PRR13: variants seen among roughly 807,000 people sequenced by gnomAD.
PRR13 encodes the protein proline-rich protein 13.
PRR13 carries 7 observed loss-of-function variants against 11.5 expected under a neutral mutation model. That is an observed-to-expected ratio of 0.61 (90% CI 0.34 to 1.14). PRR13 has a LOEUF of 1.14. PRR13 is among the 50% of genes most tolerant of loss of function. PRR13 has a pLI of 0.03. For synonymous variants in PRR13, 53 were observed against 67.8 expected (o/e 0.78, Z 1.07); for missense variants, 155 against 194.4 (o/e 0.80, Z 1.21).
At chr12:53,442,604 G>T in intron 1 of PRR13, 91 bp from the exon 2 acceptor site, 1 of 1,074,330 alleles carries the variant, frequency 9.3e-7, no homozygotes, top group Non-Finnish European at 1.4e-6. Flanking sequence ...AGCCTACTGT[G>T]GGGTGGAAGA....
chr12:53,442,701 G>T lies in PRR13; in HGVS notation c.-14G>T. 1 of 1,609,510 alleles carries T rather than the reference G, an allele frequency of 6.2e-7. No individual in the cohort carries two copies. Among genetic ancestry groups the T allele is most frequent in the Non-Finnish European group, 8.5e-7 (1 of 1,175,926 alleles). On this transcript the variant is annotated 5_prime_UTR_variant, in exon 2 of 4. In the 5' UTR this introduces an upstream ATG that the reference lacks. Transcript: ENST00000429243. ...CTCATTTCTTTCTCCTCAGGCTGGA[G>T]GACACACCTAAACATGTGGAATCCC...
intron 2 of PRR13, 65 bp from the exon 3 acceptor site, chr12:53,443,325 CT>C: frequency 7.7e-7 from 1 of 1,299,128 alleles, no homozygotes; most frequent in Non-Finnish European, 9.9e-7. Context: ...GAATCTCTTT[CT>C]TTTTGTTGTT....
intron 3 of PRR13, 58 bp from the exon 4 acceptor site, chr12:53,445,957 T>A (rs1257624898): frequency 6.2e-7 from 1 of 1,613,644 alleles, no homozygotes; most frequent in South Asian, 1.1e-5. Flanking sequence ...CACGGAGTGA[T>A]GAAAGGTCAT....
In PRR13 at chr12:53,445,105, A is replaced by G. The variant is rs111235514; in HGVS notation, c.403-910A>G. On this transcript the variant is annotated intron_variant, in intron 3 of 3. Coordinates refer to ENST00000429243, the MANE Select transcript of PRR13 (RefSeq NM_018457.4). ...CGTGGTCCACACCTGTAATCCCAGC[A>G]CTTTGGGATTCCGGGGCGGGCGGAT... Among the ~76,000 whole-genome samples, 737 of 152,192 alleles carry G rather than the reference A, an allele frequency of 4.8e-3. 6 individuals are homozygous for G. Among genetic ancestry groups the G allele is most frequent in the African/African-American group, 0.017 (713 of 41,500 alleles).
chr12:53,442,812 C>G, intron 2 of PRR13, 79 bp downstream of exon 2: 1 of 1,483,074 alleles, frequency 6.7e-7, no homozygotes, highest in Non-Finnish European at 9.4e-7. Context: ...GTATCAGCTC[C>G]CCTACCCCCG....
chr12:53,445,982 A>G lies in PRR13; in HGVS notation c.403-33A>G, dbSNP rs188607658. The G allele has an allele frequency of 1.3e-3, 1,741 of 1,355,540 alleles. 2 individuals are homozygous for G. The highest frequency in any genetic ancestry group is 1.4e-3 in the Non-Finnish European group (1,417 of 983,622). The allele number at this position is 1,355,540 out of a possible 1,614,324, so 84.0% of individuals were successfully genotyped here. A position where few individuals can be genotyped will look rare whatever the true frequency, so the allele number is the denominator to read the frequency against. ...TGAAAGGTCATTTGGATCTGATGCTATCTTCTTTCCCCTTTCCCCTTTCCC... is the reference window on the plus strand; with the variant it reads ...TGAAAGGTCATTTGGATCTGATGCTGTCTTCTTTCCCCTTTCCCCTTTCCC... On this transcript the variant is annotated intron_variant, in intron 3 of 3. Coordinates refer to ENST00000429243, the MANE Select transcript of PRR13 (RefSeq NM_018457.4).
At chr12:53,443,914 T>C (rs1426858430) in intron 3 of PRR13, 141 bp downstream of exon 3, 3 of 1,011,928 alleles carry the variant, frequency 3.0e-6, no homozygotes, top group Non-Finnish European at 4.3e-6. Flanking sequence ...TTCTTCCTTT[T>C]TATAAAAGAT....
At chr12:53,445,169 G>A (rs1159889412) in intron 3 of PRR13, among the ~76,000 whole-genome samples, 1 of 151,832 alleles carries the variant, frequency 6.6e-6, no homozygotes, top group African/African-American at 2.4e-5. Flanking sequence ...AGCCAACATG[G>A]TGAAACCTGT....
chr12:53,442,022 GTTGT>G (rs1940301623), intron 1 of PRR13: 1 of 590,130 alleles, frequency 1.7e-6, no homozygotes, highest in East Asian at 2.8e-5. Flanking sequence ...GAGAGAGAAA[GTTGT>G]TTGAGATCCT....
intron 3 of PRR13, among the ~76,000 whole-genome samples, chr12:53,444,572 G>T (rs993300448): frequency 6.6e-6 from 1 of 152,274 alleles, no homozygotes; most frequent in South Asian, 2.1e-4. Flanking sequence ...CTTGTGATCC[G>T]CCCGCCTTGG....
At chr12:53,445,059 T>A (rs373580454) in intron 3 of PRR13, among the ~76,000 whole-genome samples, 1 of 152,080 alleles carries the variant, frequency 6.6e-6, no homozygotes, top group Non-Finnish European at 1.5e-5. Flanking sequence ...TTGATAGAAA[T>A]CTGAAGAGAA....
chr12:53,443,109 G>T (rs370896718), intron 2 of PRR13: 1 of 381,300 alleles, frequency 2.6e-6, no homozygotes. Flanking sequence ...TGTCCACCTC[G>T]GCCTCCCAAA....
At chr12:53,445,525 C>T (rs1024356087) in intron 3 of PRR13, among the ~76,000 whole-genome samples, 1 of 152,156 alleles carries the variant, frequency 6.6e-6, no homozygotes, top group Non-Finnish European at 1.5e-5. Flanking sequence ...ACACCTTCCC[C>T]ACTTTTTCCC....
At chr12:53,444,967 T>C (rs1304609903) in intron 3 of PRR13, among the ~76,000 whole-genome samples, 1 of 152,150 alleles carries the variant, frequency 6.6e-6, no homozygotes, top group Non-Finnish European at 1.5e-5. Flanking sequence ...TAAACCAATC[T>C]GCATCTTGAT....
intron 3 of PRR13, among the ~76,000 whole-genome samples, chr12:53,445,253 C>T (rs1279104448): frequency 6.7e-6 from 1 of 150,328 alleles, no homozygotes; most frequent in Non-Finnish European, 1.5e-5. Flanking sequence ...GAGGCTAAGG[C>T]AGGAGAATCT....
chr12:53,442,777 A>C, intron 2 of PRR13, 44 bp downstream of exon 2: 1 of 1,576,886 alleles, frequency 6.3e-7, no homozygotes, highest in Non-Finnish European at 8.7e-7. Context: ...CCTTTTTCTG[A>C]TGGGCTCTAT....
At chr12:53,443,305 G>A (rs1192640828) in intron 2 of PRR13, 86 bp from the exon 3 acceptor site, 3 of 1,233,994 alleles carry the variant, frequency 2.4e-6, no homozygotes, top group Non-Finnish European at 3.2e-6. Flanking sequence ...TTTAAGTATT[G>A]AGTGAGAAAG....
At position 53,441,782 on chromosome 12, in the gene PRR13, G is replaced by A. The variant is rs1473032612; in HGVS notation, c.-31G>A. Reference sequence around the variant, plus strand: ...AAGGAGAACGCAGCAAGCCCAGGCGGCGGTGGAAAGGTGATGGGGTATCTG... The same window carrying A: ...AAGGAGAACGCAGCAAGCCCAGGCGACGGTGGAAAGGTGATGGGGTATCTG... On this transcript the variant is annotated 5_prime_UTR_variant, in exon 1 of 4. Transcript: ENST00000429243. The A allele has an allele frequency of 1.4e-6, 1 of 702,238 alleles. No individual in the cohort carries two copies. Among genetic ancestry groups the A allele is most frequent in the Non-Finnish European group, 2.6e-6 (1 of 384,824 alleles). 43.5% of individuals were successfully genotyped at this position (702,238 alleles called of 1,614,324 possible). A position where few individuals can be genotyped will look rare whatever the true frequency, so the allele number is the denominator to read the frequency against.
In PRR13 at chr12:53,446,523, A is replaced by T. The variant is rs879098195; in HGVS notation, c.*464A>T. On this transcript the variant is annotated 3_prime_UTR_variant, in exon 4 of 4. Transcript: ENST00000429243. ...TGCACTAACTGCAAGGTTGCTGGGA[A>T]GTAGAGTCCATTTGGTTGATGAGCT... The T allele has an allele frequency of 2.4e-5, 4 of 164,774 alleles. No individual in the cohort carries two copies. In the South Asian group the frequency reaches 6.4e-4, roughly 26 times the overall value. The allele number at this position is 164,774 out of a possible 1,614,324, so 10.2% of individuals were successfully genotyped here.
Sources: allele counts gnomAD v4.1 joint callset (sites outside exome capture counted in the v4.1 genomes callset), GRCh38; gene constraint gnomAD v4.1.1; transcripts MANE v1.5; gene names NCBI Gene and HGNC (gene_info 2026-07-23, HGNC 2026-07-21).